The following SPMIP7 variants were observed in gnomAD, a reference collection of about 807,000 sequenced individuals.
SPMIP7 encodes the protein sperm microtubule inner protein 7.
chr7:50,145,608 ATATG>A, the SPMIP7 span, among the ~76,000 whole-genome samples: 2 of 30,030 alleles, frequency 6.7e-5, no homozygotes, highest in African/African-American at 2.6e-4. Flanking sequence ...GTGTGTGTGT[ATATG>A]TGTGTGTATA....
the SPMIP7 span, among the ~76,000 whole-genome samples, chr7:50,108,831 A>G: frequency 2.6e-5 from 4 of 152,346 alleles, no homozygotes; most frequent in East Asian, 7.7e-4. Context: ...TGAAATGACC[A>G]TAATGTAGTT....
At chr7:50,110,025 ATCAT>A in the SPMIP7 span, among the ~76,000 whole-genome samples, 3 of 152,142 alleles carry the variant, frequency 2.0e-5, no homozygotes, top group South Asian at 4.1e-4. Flanking sequence ...TTGGTACACA[ATCAT>A]TCATAAAATT....
the SPMIP7 span, chr7:50,141,142 T>TA: frequency 4.5e-5 from 25 of 551,598 alleles, no homozygotes; most frequent in African/African-American, 4.5e-4. Flanking sequence ...GTTCTATCAT[T>TA]ATGCTTTACA....
At chr7:50,106,194 C>T in the SPMIP7 span, among the ~76,000 whole-genome samples, 1 of 152,122 alleles carries the variant, frequency 6.6e-6, no homozygotes, top group South Asian at 2.1e-4. Flanking sequence ...ACTGGGCCAA[C>T]AAGAGGATAG....
At chr7:50,151,550 C>A in the SPMIP7 span, 1 of 1,546,766 alleles carries the variant, frequency 6.5e-7, no homozygotes, top group Admixed American at 2.0e-5. Context: ...AGATTCAGAA[C>A]TGCACCGGTA....
At chr7:50,156,551 G>A in the SPMIP7 span, among the ~76,000 whole-genome samples, 1 of 151,142 alleles carries the variant, frequency 6.6e-6, no homozygotes, top group African/African-American at 2.4e-5. Flanking sequence ...ACTTCCCCAC[G>A]CCCCTCTCAG....
chr7:50,124,212 T>C, the SPMIP7 span, among the ~76,000 whole-genome samples: 74 of 152,220 alleles, frequency 4.9e-4, no homozygotes, highest in Non-Finnish European at 6.3e-4. Context: ...TGTATATGCA[T>C]CTAGTAACAA....
At chr7:50,120,362 A>G in the SPMIP7 span, 2 of 152,134 alleles carry the variant, frequency 1.3e-5, no homozygotes, top group African/African-American at 2.4e-5. Flanking sequence ...AGCCAATTAT[A>G]TTTTCCAGGG....
chr7:50,096,277 T>G, the SPMIP7 span: 1 of 1,551,784 alleles, frequency 6.4e-7, no homozygotes, highest in Non-Finnish European at 8.7e-7. Flanking sequence ...ACCCTGCTTT[T>G]CTTAAATTTC....
the SPMIP7 span, among the ~76,000 whole-genome samples, chr7:50,105,256 T>A: frequency 6.6e-6 from 1 of 152,146 alleles, no homozygotes; most frequent in Non-Finnish European, 1.5e-5. Context: ...CCTTAAAGAG[T>A]GCAATTCAAT....
chr7:50,097,410 G>A, the SPMIP7 span, among the ~76,000 whole-genome samples: 1 of 152,122 alleles, frequency 6.6e-6, no homozygotes, highest in Non-Finnish European at 1.5e-5. Context: ...GCTAACATAG[G>A]GCTAAAATGG....
the SPMIP7 span, chr7:50,129,920 T>G: frequency 1.7e-6 from 1 of 604,570 alleles, no homozygotes. Context: ...ACGCAGACAT[T>G]TACTGATATT....
chr7:50,110,431 GTATA>G, the SPMIP7 span, among the ~76,000 whole-genome samples: 1 of 145,676 alleles, frequency 6.9e-6, no homozygotes, highest in Non-Finnish European at 1.5e-5. Flanking sequence ...TTAATATGTT[GTATA>G]TAGTTTATAT....
the SPMIP7 span, chr7:50,121,445 A>G: frequency 6.6e-6 from 1 of 152,208 alleles, no homozygotes; most frequent in Non-Finnish European, 1.5e-5. Context: ...GCTGCAAACC[A>G]GCAAAAGATG....
the SPMIP7 span, among the ~76,000 whole-genome samples, chr7:50,139,982 T>A: frequency 6.6e-6 from 1 of 152,314 alleles, no homozygotes; most frequent in Non-Finnish European, 1.5e-5. Context: ...GCAAACTACA[T>A]CCTTAAATAG....
the SPMIP7 span, among the ~76,000 whole-genome samples, chr7:50,125,992 A>G: frequency 6.6e-6 from 1 of 152,150 alleles, no homozygotes; most frequent in Non-Finnish European, 1.5e-5. Flanking sequence ...ACATACACAC[A>G]CACAAATGAT....
At chr7:50,096,380 G>T in the SPMIP7 span, 3 of 1,552,038 alleles carry the variant, frequency 1.9e-6, no homozygotes, top group South Asian at 1.2e-5. Flanking sequence ...TCCACTTCGG[G>T]ATGATGTGAC....
the SPMIP7 span, among the ~76,000 whole-genome samples, chr7:50,128,283 A>G: frequency 4.6e-5 from 7 of 152,052 alleles, no homozygotes; most frequent in South Asian, 6.2e-4. Context: ...GAAGATAGAG[A>G]GTAGATTGGT....
the SPMIP7 span, among the ~76,000 whole-genome samples, chr7:50,099,311 C>G: frequency 6.6e-6 from 1 of 152,296 alleles, no homozygotes; most frequent in Non-Finnish European, 1.5e-5. Context: ...TGTTGTCTAT[C>G]TCTTCCTGCA....
Sources: gnomAD v4.1 joint callset for allele counts (sites outside exome capture counted in the v4.1 genomes callset) on GRCh38, gnomAD v4.1.1 for gene constraint, MANE v1.5 for transcripts, NCBI Gene and HGNC (gene_info 2026-07-23, HGNC 2026-07-21) for gene names.